The following TBCD variants were observed in gnomAD, a reference collection of about 807,000 sequenced individuals.
TBCD encodes tubulin-specific chaperone D.
In TBCD, 105 loss-of-function variants were observed where a neutral mutation model predicts 169.3. The ratio of observed to expected loss-of-function variants is 0.62; its 90% CI spans 0.53 to 0.73. The LOEUF (loss-of-function observed/expected upper bound fraction) is 0.73, where lower values mean the gene tolerates loss of function less well. Ranked by LOEUF, TBCD falls within the 30% of genes least tolerant of loss-of-function variation. TBCD has a pLI of 0.00. For missense variants in TBCD, 1,444 were observed against 1,600.1 expected (o/e 0.90, Z 1.66); for synonymous variants, 700 against 643.9 (o/e 1.09, Z -1.32).
At chr17:82,900,479 A>C (rs1164739629) in intron 17 of TBCD, 172 bp from the exon 18 acceptor site, 1 of 609,310 alleles carries the variant, frequency 1.6e-6, no homozygotes, top group East Asian at 2.8e-5. Flanking sequence ...CCGTGTGTGC[A>C]CAGATGCTCT....
chr17:82,856,983 G>A (rs561880032), intron 13 of TBCD, among the ~76,000 whole-genome samples: 278 of 151,808 alleles, frequency 1.8e-3, no homozygotes, highest in Non-Finnish European at 3.1e-3. Flanking sequence ...GCGCATCCAG[G>A]GCGGGATCGC....
chr17:82,820,285 C>T (rs2052307173), intron 13 of TBCD, among the ~76,000 whole-genome samples: 1 of 152,196 alleles, frequency 6.6e-6, no homozygotes, highest in African/African-American at 2.4e-5. Flanking sequence ...GCCAACTGTA[C>T]TATTTTGATA....
chr17:82,807,049 C>T (rs1174887378), intron 10 of TBCD, among the ~76,000 whole-genome samples: 5 of 152,240 alleles, frequency 3.3e-5, no homozygotes, highest in African/African-American at 7.2e-5. Context: ...GGTCACTCAG[C>T]GAGCTTGTCC....
At chr17:82,941,338 C>T (rs1268168936) in intron 37 of TBCD, 61 bp from the exon 38 acceptor site, 24 of 1,437,766 alleles carry the variant, frequency 1.7e-5, no homozygotes, top group Middle Eastern at 1.7e-4. Context: ...GCGGGACCTC[C>T]GCACACCTGA....
intron 34 of TBCD, among the ~76,000 whole-genome samples, chr17:82,935,310 G>A (rs1301813222): frequency 1.3e-5 from 2 of 152,038 alleles, no homozygotes; most frequent in Non-Finnish European, 2.9e-5. Context: ...TTTACTTTCA[G>A]TATCTTCATA....
At position 82,786,666 on chromosome 17, in the gene TBCD, C is replaced by T. The variant is rs980273522; in HGVS notation, c.771+4945C>T. Among the ~76,000 whole-genome samples, 12 of 152,128 alleles carry T rather than the reference C, an allele frequency of 7.9e-5. No homozygotes were observed. In the South Asian group the frequency reaches 1.5e-3, roughly 18 times the overall value. Reference sequence around the variant, plus strand: ...GGCTGGCTGTGGGAGAGGCAGCCTCCTGGTGAGGGGCTGTGGGCCACTGCG... The same window carrying T: ...GGCTGGCTGTGGGAGAGGCAGCCTCTTGGTGAGGGGCTGTGGGCCACTGCG... On this transcript the variant is annotated intron_variant, in intron 7 of 38. Coordinates refer to ENST00000355528, the MANE Select transcript of TBCD (RefSeq NM_005993.5).
At chr17:82,881,321 GT>G (rs150566364) in intron 14 of TBCD, among the ~76,000 whole-genome samples, 2,514 of 152,354 alleles carry the variant, frequency 0.017, 23 homozygotes, top group African/African-American at 0.024. Flanking sequence ...GTGATCCGTG[GT>G]TGTTAGTAAT....
intron 2 of TBCD, among the ~76,000 whole-genome samples, chr17:82,759,440 C>G (rs943974598): frequency 2.0e-5 from 3 of 152,070 alleles, no homozygotes; most frequent in Non-Finnish European, 4.4e-5. Context: ...TGAACGAGAT[C>G]GTGCCACTGC....
rs900624706 is a variant in TBCD, at chr17:82,849,842, C to T, written c.1319-20382C>T. On this transcript the variant is annotated intron_variant, in intron 13 of 38. Transcript: ENST00000355528. The stretch of plus-strand genomic sequence containing the variant: ...GCTGTGCACAATCTGGAGGCAGAAG[C>T]GAAGCAGTAGCCCCCGTGCGCGGCA... 1.7e-4 allele frequency among the ~76,000 whole-genome samples: 26 copies of T among 152,282 alleles called. 1 individual carries two copies. The highest frequency in any genetic ancestry group is 1.0e-3 in the South Asian group (5 of 4,836).
At chr17:82,819,382 C>A (rs946213236) in intron 13 of TBCD, among the ~76,000 whole-genome samples, 1 of 152,220 alleles carries the variant, frequency 6.6e-6, no homozygotes, top group African/African-American at 2.4e-5. Context: ...TTCCTCTCCA[C>A]ACATACAGTG....
chr17:82,866,106 TAAC>T (rs1448746111), intron 13 of TBCD, among the ~76,000 whole-genome samples: 2 of 152,330 alleles, frequency 1.3e-5, no homozygotes, highest in East Asian at 3.9e-4. Context: ...TTTCTGATAA[TAAC>T]GTTATATAAA....
chr17:82,926,615 T>C (rs923370222), intron 28 of TBCD, 124 bp downstream of exon 28: 1 of 774,326 alleles, frequency 1.3e-6, no homozygotes, highest in Admixed American at 2.5e-5. Context: ...TTTCCTCTCT[T>C]CCAGAGGATC....
At chr17:82,919,160 C>T (rs1055942231) in intron 23 of TBCD, among the ~76,000 whole-genome samples, 9 of 152,178 alleles carry the variant, frequency 5.9e-5, no homozygotes, top group Non-Finnish European at 4.4e-5. Flanking sequence ...CCCGGCGCTT[C>T]CTTTCTCCTC....
chr17:82,785,930 A>G (rs563750572), intron 7 of TBCD, among the ~76,000 whole-genome samples: 2 of 152,232 alleles, frequency 1.3e-5, no homozygotes, highest in East Asian at 3.9e-4. Flanking sequence ...TGTGACTGGG[A>G]CCACCTGGCC....
Position 82,942,266 on chromosome 17 carries a change from G to A in TBCD, c.3565-183G>A, listed in dbSNP as rs549542216. 187 of 750,688 alleles carry A rather than the reference G, an allele frequency of 2.5e-4. 1 individual carries two copies. The highest frequency in any genetic ancestry group is 1.7e-3 in the South Asian group (92 of 54,938). The allele number at this position is 750,688 out of a possible 1,614,324, so 46.5% of individuals were successfully genotyped here. A position where few individuals can be genotyped will look rare whatever the true frequency, so the allele number is the denominator to read the frequency against. Reference sequence around the variant, plus strand: ...AGATGGGGTGCCCTTCCGAGGACACGTTAGTCATGAGCACCTGTCAGCCAC... The same window carrying A: ...AGATGGGGTGCCCTTCCGAGGACACATTAGTCATGAGCACCTGTCAGCCAC... On this transcript the variant is annotated intron_variant, in intron 38 of 38. Transcript: ENST00000355528.
chr17:82,856,017 T>G (rs1844794868), intron 13 of TBCD, among the ~76,000 whole-genome samples: 1 of 144,930 alleles, frequency 6.9e-6, no homozygotes, highest in African/African-American at 2.6e-5. Context: ...TTTTTTTTTT[T>G]TGTAGAGACA....
intron 13 of TBCD, chr17:82,859,729 C>T (rs2056606816): frequency 1.0e-6 from 1 of 985,464 alleles, no homozygotes; most frequent in East Asian, 1.1e-4. Flanking sequence ...GGAAAGATTC[C>T]AGTCCACAGT....
At chr17:82,841,406 C>T (rs2054516099) in intron 13 of TBCD, among the ~76,000 whole-genome samples, 1 of 151,524 alleles carries the variant, frequency 6.6e-6, no homozygotes, top group African/African-American at 2.4e-5. Context: ...TAGCCTCAAC[C>T]TCCTGGACTC....
chr17:82,756,672 G>T (rs910480037), intron 2 of TBCD, among the ~76,000 whole-genome samples: 6 of 152,094 alleles, frequency 3.9e-5, no homozygotes, highest in African/African-American at 1.4e-4. Flanking sequence ...TAGAGACGGG[G>T]TTTCACTATG....
Sources: gnomAD v4.1 joint callset for allele counts (sites outside exome capture counted in the v4.1 genomes callset) on GRCh38, gnomAD v4.1.1 for gene constraint, MANE v1.5 for transcripts, NCBI Gene and HGNC (gene_info 2026-07-23, HGNC 2026-07-21) for gene names.